GPCPD1: variants seen among roughly 807,000 people sequenced by gnomAD.
The protein encoded by GPCPD1 is glycerophosphocholine phosphodiesterase GPCPD1.
Under a neutral mutation model 89.2 loss-of-function variants are expected in GPCPD1, and 29 were observed. The observed-to-expected ratio is 0.33, with a 90% confidence interval of 0.24 to 0.44. The LOEUF is 0.44. Ranked by LOEUF, GPCPD1 falls within the 20% of genes least tolerant of loss-of-function variation. The pLI is 1.00. For synonymous variants in GPCPD1, 258 were observed against 266.3 expected (o/e 0.97, Z 0.30); for missense variants, 594 against 808.9 (o/e 0.73, Z 3.22).
At chr20:5,582,508 A>G (rs1433226049) in intron 6 of GPCPD1, among the ~76,000 whole-genome samples, 1 of 152,172 alleles carries the variant, frequency 6.6e-6, no homozygotes, top group Non-Finnish European at 1.5e-5. Flanking sequence ...ACTGGTTATC[A>G]GCAATTTATC....
intron 11 of GPCPD1, among the ~76,000 whole-genome samples, chr20:5,572,365 T>A (rs1440815929): frequency 6.6e-6 from 1 of 152,196 alleles, no homozygotes; most frequent in African/African-American, 2.4e-5. Context: ...AAAATTATGA[T>A]CAATTCAAGA....
Position 5,547,813 on chromosome 20 carries a change from G to A in GPCPD1, c.1867C>T (p.Gln623Ter). ...TTCAGGCGTTCCAATTGCTCCACTT[G>A]GAATATATTTGGTTGTTCAGGCATC... is the stretch of plus-strand genomic sequence containing the variant. Reference protein sequence around the residue: ...DWMPEQPNIFQVEQLERLKQE... With the variant: ...DWMPEQPNIF Residue 623 changes from glutamine (Q) to a stop codon, truncating the protein, a stop_gained, in exon 20 of 20, where the codon CAA becomes TAA. Coordinates refer to ENST00000379019, the MANE Select transcript of GPCPD1 (RefSeq NM_019593.5). LOFTEE classifies it high-confidence loss of function. The A allele has an allele frequency of 1.2e-6, 2 of 1,608,188 alleles. No individual in the cohort carries two copies. The highest frequency in any genetic ancestry group is 1.7e-6 in the Non-Finnish European group (2 of 1,175,662).
intron 4 of GPCPD1, among the ~76,000 whole-genome samples, chr20:5,588,394 A>G (rs1204932261): frequency 6.6e-6 from 1 of 152,108 alleles, no homozygotes; most frequent in East Asian, 1.9e-4. Flanking sequence ...AGTCCCAGCT[A>G]CATGTGAGGC....
At chr20:5,585,291 A>G (rs1019463732) in intron 5 of GPCPD1, 2 of 152,138 alleles carry the variant, frequency 1.3e-5, no homozygotes, top group African/African-American at 2.4e-5. Flanking sequence ...AGAAAATCCA[A>G]TAAAGAGGAT....
intron 15 of GPCPD1, among the ~76,000 whole-genome samples, chr20:5,563,147 T>A (rs943730943): frequency 6.6e-6 from 1 of 152,042 alleles, no homozygotes; most frequent in African/African-American, 2.4e-5. Context: ...CACACCAGGC[T>A]AATTTTTTAT....
rs11479995 is a variant in GPCPD1 at position 5,581,814 on chromosome 20, CTTTTTTTTTTTTTTTT to C, written c.350-1699_350-1684del. The stretch of plus-strand genomic sequence containing the variant: ...ATGCTTAATAATTGTGGGACTTTAA[CTTTTTTTTTTTTTTTT>C]TTTTTTTTTTTTTTTTTGCAGAAAA... On this transcript the variant is annotated intron_variant, in intron 6 of 19. Coordinates refer to ENST00000379019, the MANE Select transcript of GPCPD1 (RefSeq NM_019593.5). Among the ~76,000 whole-genome samples the C allele has an allele frequency of 8.4e-4, 63 of 75,032 alleles. 2 individuals are homozygous for C. Among genetic ancestry groups the C allele is most frequent in the South Asian group, 8.8e-4 (2 of 2,278 alleles). The allele number at this position is 75,032 out of a possible 152,430, so 49.2% of individuals were successfully genotyped here. A position where few individuals can be genotyped will look rare whatever the true frequency, so the allele number is the denominator to read the frequency against.
At chr20:5,590,706 C>G (rs565825321) in intron 4 of GPCPD1, among the ~76,000 whole-genome samples, 18 of 152,148 alleles carry the variant, frequency 1.2e-4, no homozygotes, top group Admixed American at 2.6e-4. Flanking sequence ...TACTAATAAA[C>G]TATTGTACAA....
chr20:5,571,708 AG>A (rs1236635066), intron 11 of GPCPD1, among the ~76,000 whole-genome samples: 2 of 152,200 alleles, frequency 1.3e-5, no homozygotes, highest in Non-Finnish European at 2.9e-5. Flanking sequence ...AAGAAGTTCA[AG>A]ACCAGCCTGG....
chr20:5,582,189 A>C (rs1160921010), intron 6 of GPCPD1, among the ~76,000 whole-genome samples: 1 of 66,050 alleles, frequency 1.5e-5, no homozygotes, highest in Non-Finnish European at 4.0e-5. Flanking sequence ...CCCGTCTCAA[A>C]AAAAAAAAAA....
At chr20:5,567,702 A>T (rs1986472602) in intron 12 of GPCPD1, 142 bp from the exon 13 acceptor site, 1 of 736,114 alleles carries the variant, frequency 1.4e-6, no homozygotes, top group African/African-American at 1.8e-5. Flanking sequence ...AACTGTTAGT[A>T]GCCATACTGA....
intron 4 of GPCPD1, among the ~76,000 whole-genome samples, chr20:5,589,941 C>T (rs140748633): frequency 2.6e-5 from 4 of 152,230 alleles, no homozygotes; most frequent in East Asian, 3.9e-4. Context: ...TAATGTCACA[C>T]GACTGTAGAA....
At chr20:5,558,288 A>G (rs1257104240) in intron 18 of GPCPD1, among the ~76,000 whole-genome samples, 183 bp from the exon 19 acceptor site, 2 of 152,180 alleles carry the variant, frequency 1.3e-5, no homozygotes, top group East Asian at 3.8e-4. Flanking sequence ...TATATTCACA[A>G]TATATTAATA....
intron 8 of GPCPD1, among the ~76,000 whole-genome samples, chr20:5,576,578 T>C (rs924319323): frequency 6.6e-6 from 1 of 152,238 alleles, no homozygotes. Context: ...ATTTTCTTTG[T>C]ACATTTTAAA....
At chr20:5,580,215 C>G in intron 6 of GPCPD1, 84 bp from the exon 7 acceptor site, 1 of 653,154 alleles carries the variant, frequency 1.5e-6, no homozygotes, top group Non-Finnish European at 2.6e-6. Context: ...ATTGATAATT[C>G]TAGTTCACAT....
At chr20:5,575,659 GA>G (rs953163398) in intron 9 of GPCPD1, 114 bp from the exon 10 acceptor site, 37 of 853,380 alleles carry the variant, frequency 4.3e-5, no homozygotes, top group South Asian at 9.6e-5. Context: ...CTGTCAAACG[GA>G]AAAAAAAACA....
At chr20:5,548,471 T>TA (rs966625508) in intron 19 of GPCPD1, 1 of 152,120 alleles carries the variant, frequency 6.6e-6, no homozygotes, top group Admixed American at 6.5e-5. Flanking sequence ...TTCAACACGA[T>TA]AAAAAATATG....
chr20:5,599,024 G>T (rs1361912622), intron 2 of GPCPD1, among the ~76,000 whole-genome samples: 1 of 152,064 alleles, frequency 6.6e-6, no homozygotes, highest in Non-Finnish European at 1.5e-5. Flanking sequence ...TAGAACCAAA[G>T]CCAGAGAAAA....
At position 5,588,260 on chromosome 20, in the gene GPCPD1, T is replaced by C. The variant is rs145458689; in HGVS notation, c.232-1991A>G. Among the ~76,000 whole-genome samples, 1,033 of 152,152 alleles carry C rather than the reference T, an allele frequency of 6.8e-3. 13 individuals are homozygous for C. The highest frequency in any genetic ancestry group is 0.024 in the African/African-American group (978 of 41,500). On this transcript the variant is annotated intron_variant, in intron 4 of 19. Transcript: ENST00000379019. ...TGGCTCATGCCTATAATCCCAGCGC[T>C]TTGGGAGGCCAAGGCAGGTGGATCA...
intron 11 of GPCPD1, among the ~76,000 whole-genome samples, chr20:5,572,185 C>T (rs1463577534): frequency 6.6e-6 from 1 of 152,146 alleles, no homozygotes; most frequent in African/African-American, 2.4e-5. Flanking sequence ...TGCCACTGCA[C>T]TCCAGCCTGG....
Sources: gnomAD v4.1 joint callset for allele counts (sites outside exome capture counted in the v4.1 genomes callset) on GRCh38, gnomAD v4.1.1 for gene constraint, MANE v1.5 for transcripts, NCBI Gene and HGNC (gene_info 2026-07-23, HGNC 2026-07-21) for gene names.